SLFN12L: variants seen among roughly 807,000 people sequenced by gnomAD.
The protein encoded by SLFN12L is schlafen family member 12-like.
In SLFN12L, 34 loss-of-function variants were observed where a neutral mutation model predicts 34.8. That is an observed-to-expected ratio of 0.98 (90% confidence interval 0.74 to 1.30). The LOEUF (loss-of-function observed/expected upper bound fraction) is 1.30. Ranked by LOEUF, SLFN12L falls within the 50% of genes most tolerant of loss-of-function variation. The pLI is 0.00. For missense variants in SLFN12L, 703 were observed against 696.2 expected (o/e 1.01, Z -0.11); for synonymous variants, 259 against 247.5 (o/e 1.05, Z -0.44).
intron 1 of SLFN12L, among the ~76,000 whole-genome samples, chr17:35,525,029 T>C (rs2072320139): frequency 6.6e-6 from 1 of 151,818 alleles, no homozygotes; most frequent in Admixed American, 6.6e-5. Context: ...CTGATGGAGC[T>C]GAAAAACACA....
intron 2 of SLFN12L, among the ~76,000 whole-genome samples, chr17:35,510,852 G>T (rs747245993): frequency 6.8e-6 from 1 of 146,676 alleles, no homozygotes; most frequent in Non-Finnish European, 1.5e-5. Flanking sequence ...AAAAAGAAGA[G>T]AAAGGATTCC....
chr17:35,475,483 G>T lies in SLFN12L; in HGVS notation c.1279C>A (p.Leu427Ile). 3 of 1,581,840 alleles carry T rather than the reference G, an allele frequency of 1.9e-6. No homozygotes were observed. The highest frequency in any genetic ancestry group is 2.2e-5 in the East Asian group (1 of 44,534). Residue 427 changes from leucine (L) to isoleucine (I), a missense_variant and splice_region_variant, in exon 5 of 5, where the codon CTA becomes ATA. Physicochemically the swap from Leu to Ile is conservative, Grantham distance 5 (BLOSUM62 2). Coordinates refer to ENST00000628453, the MANE Select transcript of SLFN12L (RefSeq NM_001363830.2). ...GGAGCACAAGTTATCTTTTCTGATA[G>T]CCCTAGATGGGGAAATAATGATAAA... ...IQPLRYHLPG[L>I]SEKITCAPKT...
chr17:35,512,847 T>C (rs1448384040), intron 2 of SLFN12L, among the ~76,000 whole-genome samples: 3 of 152,228 alleles, frequency 2.0e-5, no homozygotes, highest in Non-Finnish European at 4.4e-5. Flanking sequence ...ACCAAGTTTA[T>C]ATTGCACTAC....
intron 2 of SLFN12L, among the ~76,000 whole-genome samples, chr17:35,495,105 G>A (rs1329224242): frequency 6.6e-6 from 1 of 151,948 alleles, no homozygotes; most frequent in Non-Finnish European, 1.5e-5. Context: ...TTGCTATGTT[G>A]CCCAGGTTGG....
chr17:35,527,503 C>T (rs1364500323), intron 1 of SLFN12L, among the ~76,000 whole-genome samples: 1 of 152,120 alleles, frequency 6.6e-6, no homozygotes, highest in African/African-American at 2.4e-5. Context: ...GCTTATCCAC[C>T]ACAGTCAAGT....
At position 35,465,086 on chromosome 17, in the gene SLFN12L, G is replaced by A. The variant is rs4795076; in HGVS notation, c.*9837C>T. Among the ~76,000 whole-genome samples, 744 of 152,118 alleles carry A rather than the reference G, an allele frequency of 4.9e-3. 6 individuals carry two copies. Among genetic ancestry groups the A allele is most frequent in the African/African-American group, 0.017 (718 of 41,488 alleles). On this transcript the variant is annotated 3_prime_UTR_variant, in exon 5 of 5. Transcript: ENST00000628453. ...AGAGATGAGGTTTCACTATATGTTC[G>A]CCAGGCTGGTCTCGAACTCCTGGCC...
chr17:35,478,252 T>A, intron 3 of SLFN12L, 67 bp from the exon 4 acceptor site: 1 of 948,088 alleles, frequency 1.1e-6, no homozygotes, highest in Non-Finnish European at 1.6e-6. Flanking sequence ...TCAAGCTAAC[T>A]AATGCACAGT....
intron 2 of SLFN12L, among the ~76,000 whole-genome samples, chr17:35,505,541 G>A (rs1479847846): frequency 6.6e-6 from 1 of 152,218 alleles, no homozygotes; most frequent in Non-Finnish European, 1.5e-5. Context: ...ACCAAAGCTT[G>A]CTATGTGAAA....
At chr17:35,507,712 C>A (rs1468844372) in intron 2 of SLFN12L, among the ~76,000 whole-genome samples, 3 of 152,150 alleles carry the variant, frequency 2.0e-5, no homozygotes, top group Admixed American at 6.5e-5. Flanking sequence ...GTAATAGAAA[C>A]CTGCTTACTG....
At chr17:35,507,180 A>T (rs1214359724) in intron 2 of SLFN12L, among the ~76,000 whole-genome samples, 2 of 152,330 alleles carry the variant, frequency 1.3e-5, no homozygotes, top group East Asian at 3.9e-4. Flanking sequence ...CCATAAAGAC[A>T]GGTGAACTCC....
At chr17:35,501,535 T>C (rs1273699427) in intron 2 of SLFN12L, among the ~76,000 whole-genome samples, 1 of 152,228 alleles carries the variant, frequency 6.6e-6, no homozygotes, top group Non-Finnish European at 1.5e-5. Flanking sequence ...GTGTAAACTG[T>C]AAAAGTGCGT....
intron 2 of SLFN12L, among the ~76,000 whole-genome samples, chr17:35,516,422 T>C (rs535894742): frequency 6.6e-6 from 1 of 152,380 alleles, no homozygotes; most frequent in South Asian, 2.1e-4. Flanking sequence ...AATACGTGTT[T>C]AAGAAGGATA....
chr17:35,497,043 G>A (rs1915108249), intron 2 of SLFN12L, among the ~76,000 whole-genome samples: 1 of 152,180 alleles, frequency 6.6e-6, no homozygotes, highest in South Asian at 2.1e-4. Context: ...AAAGCGGGAG[G>A]ATTGCTTGAG....
chr17:35,478,242 T>C, intron 3 of SLFN12L, 57 bp from the exon 4 acceptor site: 1 of 1,106,142 alleles, frequency 9.0e-7, no homozygotes, highest in Non-Finnish European at 1.3e-6. Context: ...TGGGAGAGAC[T>C]CAAGCTAACT....
intron 2 of SLFN12L, chr17:35,490,269 C>T: frequency 6.6e-7 from 1 of 1,512,710 alleles, no homozygotes; most frequent in Non-Finnish European, 9.2e-7. Flanking sequence ...TCGGATGGTT[C>T]AAAAACCCCC....
At position 35,464,591 on chromosome 17, in the gene SLFN12L, A is replaced by G. The variant is rs1913692281; in HGVS notation, c.*10332T>C. 1.3e-5 allele frequency: 2 copies of G among 152,202 alleles called. No homozygotes were observed. The highest frequency in any genetic ancestry group is 2.9e-5 in the Non-Finnish European group (2 of 68,038). The allele number at this position is 152,202 out of a possible 1,614,324, so 9.4% of individuals were successfully genotyped here. A position where few individuals can be genotyped will look rare whatever the true frequency, so the allele number is the denominator to read the frequency against. ...AGTTCCATCCATGTTCCTGCAAAAG[A>G]CATGATCTTGTTCTTTTTTATGGCT... On this transcript the variant is annotated 3_prime_UTR_variant, in exon 5 of 5. Coordinates refer to ENST00000628453, the MANE Select transcript of SLFN12L (RefSeq NM_001363830.2).
At chr17:35,515,888 C>T (rs891647594) in intron 2 of SLFN12L, among the ~76,000 whole-genome samples, 23 of 151,922 alleles carry the variant, frequency 1.5e-4, no homozygotes, top group Non-Finnish European at 1.3e-4. Flanking sequence ...GTGATCTACC[C>T]GCCTCTGCCT....
intron 2 of SLFN12L, among the ~76,000 whole-genome samples, chr17:35,504,583 G>T (rs1162494320): frequency 6.6e-6 from 1 of 152,098 alleles, no homozygotes; most frequent in Admixed American, 6.5e-5. Flanking sequence ...TCCTCCAGTC[G>T]ACCAGGCATG....
chr17:35,517,634 C>T (rs1244365528), intron 2 of SLFN12L, among the ~76,000 whole-genome samples: 1 of 152,172 alleles, frequency 6.6e-6, no homozygotes, highest in East Asian at 1.9e-4. Flanking sequence ...CATCACACTA[C>T]CTAACTTCAA....
Sources: gnomAD v4.1 joint callset for allele counts (sites outside exome capture counted in the v4.1 genomes callset) on GRCh38, gnomAD v4.1.1 for gene constraint, MANE v1.5 for transcripts, NCBI Gene and HGNC (gene_info 2026-07-23, HGNC 2026-07-21) for gene names.